The following RHOBTB3 variants were observed in gnomAD, a reference collection of about 807,000 sequenced individuals.
The protein encoded by RHOBTB3 is rho-related BTB domain-containing protein 3.
A neutral mutation model predicts 67.2 loss-of-function variants in RHOBTB3; 47 were observed. The ratio of observed to expected loss-of-function variants is 0.70; its 90% CI spans 0.55 to 0.89. RHOBTB3 has a LOEUF of 0.89. Among genes scored for constraint, RHOBTB3 ranks in the 40% least tolerant of loss-of-function variants. The probability of loss-of-function intolerance (pLI) is 0.00; values close to 1 mark genes in which losing one functional copy is unlikely to be tolerated. For missense variants in RHOBTB3, 631 were observed against 750.0 expected (o/e 0.84, Z 1.85); for synonymous variants, 273 against 274.2 (o/e 1.00, Z 0.04).
chr5:95,764,348 A>G (rs1158696851), intron 7 of RHOBTB3, among the ~76,000 whole-genome samples: 3 of 152,214 alleles, frequency 2.0e-5, no homozygotes, highest in Non-Finnish European at 2.9e-5. Context: ...GCAGTTTTGA[A>G]TGTCCCTTTT....
At chr5:95,771,969 GTC>G in intron 8 of RHOBTB3, among the ~76,000 whole-genome samples, 1 of 146,476 alleles carries the variant, frequency 6.8e-6, no homozygotes, top group Non-Finnish European at 1.5e-5. Flanking sequence ...TAAAAAAAAA[GTC>G]TAGTTTATGG....
At chr5:95,781,898 T>C (rs554614637) in intron 9 of RHOBTB3, 9 of 152,362 alleles carry the variant, frequency 5.9e-5, no homozygotes, top group Non-Finnish European at 1.3e-4. Flanking sequence ...GCATTTGTTC[T>C]TTTTGGAAAT....
chr5:95,785,918 C>T (rs2112837232), intron 10 of RHOBTB3, among the ~76,000 whole-genome samples: 1 of 152,292 alleles, frequency 6.6e-6, no homozygotes, highest in African/African-American at 2.4e-5. Context: ...GGTTCCTCAT[C>T]AGAATCATTT....
At chr5:95,725,122 A>G (rs557449291) in intron 1 of RHOBTB3, among the ~76,000 whole-genome samples, 1 of 152,364 alleles carries the variant, frequency 6.6e-6, no homozygotes, top group African/African-American at 2.4e-5. Context: ...CTTTGTTTAT[A>G]ATAGGCAAAA....
intron 6 of RHOBTB3, among the ~76,000 whole-genome samples, chr5:95,759,816 G>C (rs150212772): frequency 1.3e-5 from 2 of 152,296 alleles, no homozygotes; most frequent in African/African-American, 4.8e-5. Context: ...TTGAAGACAG[G>C]AGTTGTTTGT....
At chr5:95,768,192 A>G (rs1745605623) in intron 8 of RHOBTB3, 26 bp downstream of exon 8, 3 of 1,586,426 alleles carry the variant, frequency 1.9e-6, no homozygotes, top group East Asian at 4.5e-5. Flanking sequence ...TACAAAGTTT[A>G]TGATTCATTT....
At chr5:95,771,436 G>C (rs1561452064) in intron 8 of RHOBTB3, among the ~76,000 whole-genome samples, 1 of 152,136 alleles carries the variant, frequency 6.6e-6, no homozygotes, top group African/African-American at 2.4e-5. Flanking sequence ...TGTACCTTCC[G>C]ACAAGCCACG....
chr5:95,783,800 G>C lies in RHOBTB3; in HGVS notation c.1460G>C (p.Gly487Ala). ...YLYTDSCCPA[G>A]IFQAMCLLIC... ...CTCATGTCCCTTTTCTCATCAGCTG[G>C]CATATTCCAGGCCATGTGTCTCCTG... Residue 487 changes from glycine to alanine, a missense_variant, in exon 10 of 12, where the codon GGC becomes GCC. Gly to Ala is a moderately conservative substitution (Grantham distance 60, BLOSUM62 0). Transcript: ENST00000379982. The C allele has an allele frequency of 6.2e-7, 1 of 1,606,346 alleles. No individual in the cohort carries two copies. Among genetic ancestry groups the C allele is most frequent in the Non-Finnish European group, 8.5e-7 (1 of 1,174,940 alleles).
intron 10 of RHOBTB3, among the ~76,000 whole-genome samples, chr5:95,784,926 A>G (rs1387201594): frequency 6.6e-6 from 1 of 152,118 alleles, no homozygotes; most frequent in Non-Finnish European, 1.5e-5. Context: ...CGAGCCCTCT[A>G]GGTTTTTTTC....
intron 3 of RHOBTB3, among the ~76,000 whole-genome samples, chr5:95,741,551 A>T (rs1350287754): frequency 4.2e-5 from 4 of 94,350 alleles, no homozygotes; most frequent in African/African-American, 1.8e-4. Flanking sequence ...TTTTAGAAAC[A>T]GGATCTTGCT....
intron 10 of RHOBTB3, among the ~76,000 whole-genome samples, chr5:95,788,319 C>T (rs894110317): frequency 2.0e-5 from 3 of 152,250 alleles, no homozygotes; most frequent in African/African-American, 7.2e-5. Flanking sequence ...GAAACCCATG[C>T]CTTCGGCCGA....
At chr5:95,771,330 C>A (rs1325334165) in intron 8 of RHOBTB3, among the ~76,000 whole-genome samples, 1 of 152,188 alleles carries the variant, frequency 6.6e-6, no homozygotes, top group Non-Finnish European at 1.5e-5. Context: ...TAGCAGCGAA[C>A]AATAGTCATT....
chr5:95,733,798 A>G (rs902293869), intron 2 of RHOBTB3, among the ~76,000 whole-genome samples: 2 of 152,186 alleles, frequency 1.3e-5, no homozygotes, highest in African/African-American at 4.8e-5. Context: ...CCCATCAGAG[A>G]TTCTAAAGCT....
intron 9 of RHOBTB3, among the ~76,000 whole-genome samples, chr5:95,780,962 C>T (rs1746030265): frequency 6.6e-6 from 1 of 152,168 alleles, no homozygotes; most frequent in Admixed American, 6.5e-5. Flanking sequence ...AAACTGACTT[C>T]TCTGAAAACT....
At chr5:95,784,739 C>T (rs1746168439) in intron 10 of RHOBTB3, among the ~76,000 whole-genome samples, 1 of 152,200 alleles carries the variant, frequency 6.6e-6, no homozygotes, top group Non-Finnish European at 1.5e-5. Context: ...CAGATGTGCT[C>T]ACAGTCAAAA....
chr5:95,748,603 T>G, intron 4 of RHOBTB3, 116 bp downstream of exon 4: 2 of 667,654 alleles, frequency 3.0e-6, no homozygotes, highest in East Asian at 3.0e-5. Context: ...TACTTAACCT[T>G]GAGAAATAAA....
At chr5:95,749,270 C>T (rs1041269398) in intron 4 of RHOBTB3, among the ~76,000 whole-genome samples, 3 of 152,236 alleles carry the variant, frequency 2.0e-5, no homozygotes, top group Non-Finnish European at 4.4e-5. Flanking sequence ...CTTTGGCATC[C>T]GCCATCGGTT....
chr5:95,785,510 C>T (rs1040838317), intron 10 of RHOBTB3, among the ~76,000 whole-genome samples: 4 of 151,136 alleles, frequency 2.6e-5, no homozygotes, highest in African/African-American at 7.3e-5. Flanking sequence ...AGGAGAATGG[C>T]GTGAACCCTG....
intron 10 of RHOBTB3, among the ~76,000 whole-genome samples, chr5:95,787,086 T>G (rs750341696): frequency 7.9e-5 from 12 of 152,242 alleles, no homozygotes; most frequent in African/African-American, 1.2e-4. Flanking sequence ...TAAATCTTGG[T>G]CAAAAATAAA....
Sources: gnomAD v4.1 joint callset for allele counts (sites outside exome capture counted in the v4.1 genomes callset) on GRCh38, gnomAD v4.1.1 for gene constraint, MANE v1.5 for transcripts, NCBI Gene and HGNC (gene_info 2026-07-23, HGNC 2026-07-21) for gene names.